HPSE2: variants seen among roughly 807,000 people sequenced by gnomAD.
The protein encoded by HPSE2 is inactive heparanase-2.
In HPSE2, 38 loss-of-function variants were observed where a neutral mutation model predicts 60.5. The observed-to-expected ratio is 0.63, with a 90% CI of 0.48 to 0.82. The LOEUF (loss-of-function observed/expected upper bound fraction) is 0.82, where lower values mean the gene tolerates loss of function less well. Ranked by LOEUF, HPSE2 falls within the 40% of genes least tolerant of loss-of-function variation. The pLI is 0.00. For missense variants in HPSE2, 713 were observed against 740.4 expected (o/e 0.96, Z 0.43); for synonymous variants, 295 against 293.2 (o/e 1.01, Z -0.06).
At chr10:99,093,607 C>A (rs1202393792) in intron 3 of HPSE2, among the ~76,000 whole-genome samples, 1 of 152,130 alleles carries the variant, frequency 6.6e-6, no homozygotes, top group African/African-American at 2.4e-5. Flanking sequence ...CATGCTGCAT[C>A]ATCACATAGC....
chr10:98,597,435 C>T (rs1459866621), intron 9 of HPSE2, among the ~76,000 whole-genome samples: 10 of 151,390 alleles, frequency 6.6e-5, no homozygotes, highest in African/African-American at 1.9e-4. Context: ...AAGGCCAAGG[C>T]GGGTGGATTG....
intron 11 of HPSE2, among the ~76,000 whole-genome samples, chr10:98,468,381 A>G (rs1039714360): frequency 9.8e-5 from 14 of 143,562 alleles, no homozygotes; most frequent in Non-Finnish European, 2.0e-4. Flanking sequence ...CCCACTCCTC[A>G]GGAGTCACGG....
At chr10:99,055,888 C>G (rs1958102203) in intron 3 of HPSE2, among the ~76,000 whole-genome samples, 1 of 151,942 alleles carries the variant, frequency 6.6e-6, no homozygotes, top group Non-Finnish European at 1.5e-5. Flanking sequence ...TATTTAAAAT[C>G]AATTATCTAA....
In HPSE2 at chr10:98,683,742, G is replaced by T. The variant is rs144866920; in HGVS notation, c.1004+10158C>A. ...ATTTCAGAAGGAATGCACAAAAAAG[G>T]AAAGAATGACATTATCAAAGAAAAA... On this transcript the variant is annotated intron_variant, in intron 6 of 11. Coordinates refer to ENST00000370552, the MANE Select transcript of HPSE2 (RefSeq NM_021828.5). 6.6e-5 allele frequency among the ~76,000 whole-genome samples: 10 copies of T among 152,036 alleles called. No homozygotes were observed. The East Asian group carries it at 1.7e-3, about 26-fold the overall frequency.
chr10:99,075,040 T>C (rs1010054646), intron 3 of HPSE2, among the ~76,000 whole-genome samples: 4 of 152,144 alleles, frequency 2.6e-5, no homozygotes, highest in Non-Finnish European at 5.9e-5. Context: ...CTATTACATT[T>C]ACTTCTGCTC....
At chr10:99,103,075 G>C (rs1353291835) in intron 3 of HPSE2, among the ~76,000 whole-genome samples, 1 of 152,180 alleles carries the variant, frequency 6.6e-6, no homozygotes, top group African/African-American at 2.4e-5. Context: ...ACCGGCATAA[G>C]ACAGGGATGC....
chr10:99,287,929 G>A, the HPSE2 span, among the ~76,000 whole-genome samples: 1 of 152,126 alleles, frequency 6.6e-6, no homozygotes, highest in African/African-American at 2.4e-5. Flanking sequence ...GAAATGTTGT[G>A]GAACACTAGT....
chr10:99,182,521 T>G (rs1847815796), intron 2 of HPSE2, among the ~76,000 whole-genome samples: 1 of 152,152 alleles, frequency 6.6e-6, no homozygotes, highest in Admixed American at 6.6e-5. Context: ...TAAGCAGATA[T>G]TCAAATATAA....
At chr10:99,107,362 T>C (rs1844288449) in intron 3 of HPSE2, among the ~76,000 whole-genome samples, 1 of 152,206 alleles carries the variant, frequency 6.6e-6, no homozygotes. Context: ...TCTATTCTGA[T>C]ACTGCAATTT....
intron 3 of HPSE2, among the ~76,000 whole-genome samples, chr10:98,842,739 C>G (rs1461870798): frequency 6.6e-6 from 1 of 152,098 alleles, no homozygotes; most frequent in Non-Finnish European, 1.5e-5. Flanking sequence ...TTAGGGTTCA[C>G]TCTTCGTGTA....
chr10:98,517,470 C>T (rs976427782), intron 9 of HPSE2, among the ~76,000 whole-genome samples: 3 of 152,154 alleles, frequency 2.0e-5, no homozygotes, highest in Non-Finnish European at 4.4e-5. Context: ...CTCGTAAATA[C>T]ACACGTGGAC....
intron 3 of HPSE2, among the ~76,000 whole-genome samples, chr10:98,758,263 T>C (rs555008267): frequency 6.6e-6 from 1 of 151,224 alleles, no homozygotes; most frequent in East Asian, 2.0e-4. Context: ...TATAGCATTC[T>C]GGACATATGC....
At chr10:98,467,942 C>G (rs1029932072) in intron 11 of HPSE2, among the ~76,000 whole-genome samples, 1 of 152,214 alleles carries the variant, frequency 6.6e-6, no homozygotes, top group Non-Finnish European at 1.5e-5. Context: ...AGGGCAGGTG[C>G]GGGGTCTGCG....
At chr10:98,822,310 AT>A (rs1208785266) in intron 3 of HPSE2, among the ~76,000 whole-genome samples, 3 of 152,166 alleles carry the variant, frequency 2.0e-5, no homozygotes, top group Admixed American at 1.3e-4. Context: ...CCATATCAAG[AT>A]TATAAATATG....
rs1345891790 is a variant in HPSE2, at chr10:98,852,123, G to A, written c.611-108067C>T. Among the ~76,000 whole-genome samples, 19 of 131,528 alleles carry A rather than the reference G, an allele frequency of 1.4e-4. 2 individuals carry two copies. The highest frequency in any genetic ancestry group is 5.5e-4 in the African/African-American group (18 of 32,600). 86.3% of individuals were successfully genotyped at this position (131,528 alleles called of 152,430 possible). On this transcript the variant is annotated intron_variant, in intron 3 of 11. Coordinates refer to ENST00000370552, the MANE Select transcript of HPSE2 (RefSeq NM_021828.5). ...ACCTTGTATATTATGATGTGTGTGTGTGTGTGTGTGTGTGTGTGTGTGTGT... is the reference window on the plus strand; with the variant it reads ...ACCTTGTATATTATGATGTGTGTGTATGTGTGTGTGTGTGTGTGTGTGTGT...
intron 3 of HPSE2, among the ~76,000 whole-genome samples, chr10:98,957,241 C>T (rs1955532529): frequency 6.6e-6 from 1 of 152,158 alleles, no homozygotes; most frequent in Non-Finnish European, 1.5e-5. Flanking sequence ...AGGATACTTT[C>T]TAGAGGGCAG....
intron 3 of HPSE2, among the ~76,000 whole-genome samples, chr10:99,052,651 ATCTTG>A (rs1958017203): frequency 1.3e-5 from 2 of 152,126 alleles, no homozygotes; most frequent in Admixed American, 1.3e-4. Context: ...TAATAAGAAA[ATCTTG>A]ACAGCAGCCA....
chr10:98,799,068 T>C (rs530598283), intron 3 of HPSE2, among the ~76,000 whole-genome samples: 1 of 152,044 alleles, frequency 6.6e-6, no homozygotes, highest in East Asian at 1.9e-4. Context: ...AAGATACACA[T>C]AGACTGAAAA....
chr10:99,170,869 C>A (rs938779760), intron 2 of HPSE2, among the ~76,000 whole-genome samples: 3 of 152,158 alleles, frequency 2.0e-5, no homozygotes, highest in African/African-American at 7.2e-5. Flanking sequence ...TTAATTGTGT[C>A]TATACAGGTA....
Sources: gnomAD v4.1 joint callset for allele counts (sites outside exome capture counted in the v4.1 genomes callset) on GRCh38, gnomAD v4.1.1 for gene constraint, MANE v1.5 for transcripts, NCBI Gene and HGNC (gene_info 2026-07-23, HGNC 2026-07-21) for gene names.